Variants in TTC7B observed in about 807,000 individuals in gnomAD.
TTC7B encodes tetratricopeptide repeat domain 7B, also known as tetratricopeptide repeat protein 7B.
In TTC7B, 28 loss-of-function variants were observed where a neutral mutation model predicts 106.8. That is an observed-to-expected ratio of 0.26 (90% CI 0.19 to 0.36). The LOEUF is 0.36. Among genes scored for constraint, TTC7B ranks in the 10% least tolerant of loss-of-function variants. The pLI is 1.00. For synonymous variants in TTC7B, 405 were observed against 430.6 expected (o/e 0.94, Z 0.74); for missense variants, 862 against 1,076.4 (o/e 0.80, Z 2.79).
intron 2 of TTC7B, among the ~76,000 whole-genome samples, chr14:90,781,635 C>T (rs1465023749): frequency 6.6e-6 from 1 of 152,196 alleles, no homozygotes; most frequent in Non-Finnish European, 1.5e-5. Flanking sequence ...ACTGGAGATG[C>T]ACCACAACCC....
intron 3 of TTC7B, among the ~76,000 whole-genome samples, chr14:90,752,969 T>C (rs1412067791): frequency 6.6e-6 from 1 of 152,236 alleles, no homozygotes. Flanking sequence ...CCCTAGGCAA[T>C]TCCCCAGATC....
chr14:90,602,055 G>A lies in TTC7B; in HGVS notation c.1967-8429C>T, dbSNP rs144449105. On this transcript the variant is annotated intron_variant, in intron 17 of 19. Coordinates refer to ENST00000328459, the MANE Select transcript of TTC7B (RefSeq NM_001010854.2). ...TAGGCCAGAAATAAAGGCACATCTA[G>A]GTTGAGCTGGATTTCAGAGGGTGGA... 3,883 of 453,686 alleles carry A rather than the reference G, an allele frequency of 8.6e-3. 41 individuals are homozygous for A. Among genetic ancestry groups the A allele is most frequent in the Non-Finnish European group, 9.6e-3 (2,153 of 225,296 alleles). 28.1% of individuals were successfully genotyped at this position (453,686 alleles called of 1,614,324 possible). A position where few individuals can be genotyped will look rare whatever the true frequency, so the allele number is the denominator to read the frequency against.
chr14:90,706,451 C>T (rs1888216643), intron 5 of TTC7B, among the ~76,000 whole-genome samples: 1 of 152,186 alleles, frequency 6.6e-6, no homozygotes, highest in Non-Finnish European at 1.5e-5. Flanking sequence ...GGGTGAGCCA[C>T]CACACCCAGC....
At chr14:90,785,107 AC>A (rs1235457988) in intron 2 of TTC7B, among the ~76,000 whole-genome samples, 1 of 152,062 alleles carries the variant, frequency 6.6e-6, no homozygotes, top group Non-Finnish European at 1.5e-5. Flanking sequence ...TTAAGAGCCC[AC>A]CCCATTCAAA....
intron 1 of TTC7B, among the ~76,000 whole-genome samples, chr14:90,813,799 C>G (rs554183909): frequency 3.3e-5 from 5 of 151,928 alleles, no homozygotes; most frequent in Non-Finnish European, 7.4e-5. Flanking sequence ...CAAAATCTGC[C>G]CAGAACTTGT....
intron 18 of TTC7B, among the ~76,000 whole-genome samples, chr14:90,580,065 C>T (rs1891423115): frequency 6.6e-6 from 1 of 152,218 alleles, no homozygotes; most frequent in Non-Finnish European, 1.5e-5. Context: ...TCCGCGCCTG[C>T]CCAACAGGCA....
chr14:90,640,423 T>C (rs912456066), intron 15 of TTC7B, among the ~76,000 whole-genome samples: 9 of 152,170 alleles, frequency 5.9e-5, no homozygotes, highest in Non-Finnish European at 1.0e-4. Flanking sequence ...TTGGCAATAT[T>C]ACACGAAAAA....
In TTC7B at chr14:90,798,089, C is replaced by T. The variant is rs554869242; in HGVS notation, c.122-11761G>A. ...AGAAAAGGGCTTACGCACTTTTTCCCTCTTGCTTCTCTGTGACCGCCACGA... is the reference window on the plus strand; with the variant it reads ...AGAAAAGGGCTTACGCACTTTTTCCTTCTTGCTTCTCTGTGACCGCCACGA... On this transcript the variant is annotated intron_variant, in intron 1 of 19. Transcript: ENST00000328459. Among the ~76,000 whole-genome samples the T allele has an allele frequency of 6.3e-4, 96 of 152,266 alleles. 1 individual carries two copies. The highest frequency in any genetic ancestry group is 2.1e-3 in the African/African-American group (89 of 41,550).
intron 3 of TTC7B, among the ~76,000 whole-genome samples, chr14:90,746,064 A>G (rs1441338708): frequency 6.6e-6 from 1 of 152,180 alleles, no homozygotes; most frequent in African/African-American, 2.4e-5. Flanking sequence ...AAATGCCTCC[A>G]TATCTGGTTT....
intron 5 of TTC7B, among the ~76,000 whole-genome samples, chr14:90,704,513 C>G (rs1474387336): frequency 3.3e-5 from 5 of 152,314 alleles, no homozygotes; most frequent in East Asian, 1.9e-4. Context: ...CGTGCAGAAG[C>G]CTGCAGTCAA....
At chr14:90,660,920 C>T (rs77465133) in intron 9 of TTC7B, among the ~76,000 whole-genome samples, 5,590 of 152,314 alleles carry the variant, frequency 0.037, 143 homozygotes, top group Non-Finnish European at 0.055. Context: ...AAGGTGAGCA[C>T]GGGCAATGTG....
intron 4 of TTC7B, among the ~76,000 whole-genome samples, chr14:90,738,448 A>C (rs1379625288): frequency 6.6e-6 from 1 of 152,148 alleles, no homozygotes; most frequent in Admixed American, 6.5e-5. Context: ...GTCTCTACTA[A>C]AAATACAAAA....
intron 9 of TTC7B, among the ~76,000 whole-genome samples, chr14:90,662,147 G>A (rs1595258154): frequency 6.6e-6 from 1 of 152,226 alleles, no homozygotes; most frequent in Non-Finnish European, 1.5e-5. Context: ...GGGGGGACGA[G>A]CAGGCACTCC....
rs150923204 is a variant in TTC7B, at chr14:90,565,640, T to A, written c.2310+12466A>T. ...TGGTCTCGATCTCCTGACCCCGTGA[T>A]CTGCCCGCCTCGGCCTCCCAATGTG... On this transcript the variant is annotated intron_variant, in intron 19 of 19. Coordinates refer to ENST00000328459, the MANE Select transcript of TTC7B (RefSeq NM_001010854.2). Among the ~76,000 whole-genome samples the A allele has an allele frequency of 4.9e-4, 75 of 152,240 alleles. 1 individual carries two copies. Among genetic ancestry groups the A allele is most frequent in the African/African-American group, 1.7e-3 (70 of 41,558 alleles).
chr14:90,731,168 G>A (rs1190080275), intron 4 of TTC7B, among the ~76,000 whole-genome samples: 1 of 152,002 alleles, frequency 6.6e-6, no homozygotes, highest in Non-Finnish European at 1.5e-5. Context: ...AGCCAGGATG[G>A]TCTCGATCTC....
intron 3 of TTC7B, among the ~76,000 whole-genome samples, chr14:90,778,264 A>G (rs1891097754): frequency 6.6e-6 from 1 of 152,202 alleles, no homozygotes; most frequent in Non-Finnish European, 1.5e-5. Flanking sequence ...AGGTGTCCCA[A>G]GAGCCAATGC....
chr14:90,727,329 A>G lies in TTC7B; in HGVS notation c.698+2746T>C, dbSNP rs1338467249. Among the ~76,000 whole-genome samples, 4 of 152,170 alleles carry G rather than the reference A, an allele frequency of 2.6e-5. No homozygotes were observed. The East Asian group carries it at 7.7e-4, about 29-fold the overall frequency. On this transcript the variant is annotated intron_variant, in intron 5 of 19. Transcript: ENST00000328459. The stretch of plus-strand genomic sequence containing the variant: ...CACAGCGCTTCCCACACAGTGGCAC[A>G]GTGGTGAAAGGACTGGAGCCCAAGG...
At position 90,706,221 on chromosome 14, in the gene TTC7B, G is replaced by A. The variant is rs181036829; in HGVS notation, c.699-10643C>T. ...CTCTGTTGCCCAGGCTGGGTGCAGT[G>A]GCGCAATCTCGGCTCACTGCAAGCT... On this transcript the variant is annotated intron_variant, in intron 5 of 19. Transcript: ENST00000328459. Among the ~76,000 whole-genome samples the A allele has an allele frequency of 4.3e-4, 64 of 150,176 alleles. No individual in the cohort carries two copies. The East Asian group carries it at 6.8e-3, about 16-fold the overall frequency.
intron 8 of TTC7B, among the ~76,000 whole-genome samples, chr14:90,677,644 C>T (rs1313616636): frequency 6.6e-6 from 1 of 152,190 alleles, no homozygotes; most frequent in African/African-American, 2.4e-5. Flanking sequence ...CCAGTCTTTC[C>T]TGTGAAAGTG....
Sources: allele counts gnomAD v4.1 joint callset (sites outside exome capture counted in the v4.1 genomes callset), GRCh38; gene constraint gnomAD v4.1.1; transcripts MANE v1.5; gene names NCBI Gene and HGNC (gene_info 2026-07-23, HGNC 2026-07-21).